MACC1: variants seen among roughly 807,000 people sequenced by gnomAD.
MACC1 encodes MET transcriptional regulator MACC1, also known as metastasis-associated in colon cancer protein 1.
Under a neutral mutation model 70.7 loss-of-function variants are expected in MACC1, and 79 were observed. The ratio of observed to expected loss-of-function variants is 1.12; its 90% CI spans 0.93 to 1.35. MACC1 has a LOEUF of 1.35. MACC1 is among the 40% of genes most tolerant of loss of function. MACC1 has a pLI of 0.00. For synonymous variants in MACC1, 361 were observed against 347.2 expected (o/e 1.04, Z -0.44); for missense variants, 1,106 against 978.1 (o/e 1.13, Z -1.74).
intron 6 of MACC1, among the ~76,000 whole-genome samples, chr7:20,151,446 A>AT (rs1195066069): frequency 2.6e-5 from 4 of 152,158 alleles, no homozygotes; most frequent in East Asian, 1.9e-4. Flanking sequence ...GTGTAAGTGC[A>AT]TTTTTTCTGA....
rs141979547 is a variant in MACC1 at position 20,206,124 on chromosome 7, T to C, written c.-218+11175A>G. ...CACTACCCAGGCCCCTTCTTTCTGA[T>C]ACCATGGTGCCTGCCTTGGGTTAGC... On this transcript the variant is annotated intron_variant, in intron 1 of 6. Coordinates refer to ENST00000400331, the MANE Select transcript of MACC1 (RefSeq NM_182762.4). Among the ~76,000 whole-genome samples, 104 of 151,782 alleles carry C rather than the reference T, an allele frequency of 6.9e-4. 1 individual carries two copies. Among genetic ancestry groups the C allele is most frequent in the African/African-American group, 2.4e-3 (101 of 41,418 alleles).
rs150911553 is a variant in MACC1 at position 20,144,616 on chromosome 7, G to A, written c.2347-3458C>T. 7.1e-3 allele frequency among the ~76,000 whole-genome samples: 1,080 copies of A among 152,236 alleles called. 25 individuals are homozygous for A. Among genetic ancestry groups the A allele is most frequent in the Admixed American group, 0.038 (576 of 15,300 alleles). On this transcript the variant is annotated intron_variant, in intron 6 of 6. Coordinates refer to ENST00000400331, the MANE Select transcript of MACC1 (RefSeq NM_182762.4). Reference sequence around the variant, plus strand: ...CATTTATACTTCTTAATAGGATAGAGAAGAAAGTACTTATTTTTTTGGCAG... The same window carrying A: ...CATTTATACTTCTTAATAGGATAGAAAAGAAAGTACTTATTTTTTTGGCAG...
intron 1 of MACC1, among the ~76,000 whole-genome samples, chr7:20,182,793 C>T (rs775897281): frequency 5.6e-4 from 85 of 152,094 alleles, no homozygotes; most frequent in Non-Finnish European, 6.8e-4. Flanking sequence ...ATATATGGCC[C>T]TTTCACAGAA....
In MACC1 at chr7:20,159,879, T is replaced by G; in HGVS notation, c.482A>C (p.Asp161Ala). 2.5e-6 allele frequency: 4 copies of G among 1,614,144 alleles called. No homozygotes were observed. The highest frequency in any genetic ancestry group is 3.4e-6 in the Non-Finnish European group (4 of 1,180,026). ...AHAHQSIHNSDQILLHDLEWL... is the reference protein window; with the variant it reads ...AHAHQSIHNSAQILLHDLEWL... ...CTCTAAGTCGTGTAGTAGGATCTGGTCAGAGTTATGTATACTCTGATGGGC... is the reference window on the plus strand; with the variant it reads ...CTCTAAGTCGTGTAGTAGGATCTGGGCAGAGTTATGTATACTCTGATGGGC... The change falls in exon 5 of 7, where the codon GAC becomes GCC. Residue 161 changes from aspartate to alanine, a missense_variant. Coordinates refer to ENST00000400331, the MANE Select transcript of MACC1 (RefSeq NM_182762.4).
Position 20,139,961 on chromosome 7 carries a change from G to T in MACC1, c.*985C>A, listed in dbSNP as rs1445464529. The stretch of plus-strand genomic sequence containing the variant: ...AATCAAGTTAATCAAGTTTCTGGTG[G>T]TGGTGGTTTTTAATAACTCGTATTA... On this transcript the variant is annotated 3_prime_UTR_variant, in exon 7 of 7. Coordinates refer to ENST00000400331, the MANE Select transcript of MACC1 (RefSeq NM_182762.4). 1 of 152,012 alleles carries T rather than the reference G, an allele frequency of 6.6e-6. No individual in the cohort carries two copies. Among genetic ancestry groups the T allele is most frequent in the Non-Finnish European group, 1.5e-5 (1 of 68,022 alleles). 9.4% of individuals were successfully genotyped at this position (152,012 alleles called of 1,614,324 possible).
chr7:20,217,167 C>T (rs2128110252), intron 1 of MACC1, 132 bp downstream of exon 1: 1 of 152,258 alleles, frequency 6.6e-6, no homozygotes, highest in South Asian at 2.1e-4. Flanking sequence ...CAGTTACCTT[C>T]CCTTTATTTA....
At chr7:20,203,312 A>G (rs1319260420) in intron 1 of MACC1, among the ~76,000 whole-genome samples, 3 of 152,116 alleles carry the variant, frequency 2.0e-5, no homozygotes, top group African/African-American at 7.2e-5. Context: ...CACCTCTTCC[A>G]TCGCCCAACT....
intron 1 of MACC1, among the ~76,000 whole-genome samples, chr7:20,190,239 T>C (rs1404419287): frequency 6.6e-6 from 1 of 152,226 alleles, no homozygotes; most frequent in Non-Finnish European, 1.5e-5. Context: ...CCAAACCTAT[T>C]ACCTTTGTGA....
At position 20,135,600 on chromosome 7, in the gene MACC1, A is replaced by T. The variant is rs1781708753; in HGVS notation, c.*5346T>A. The T allele has an allele frequency of 6.6e-6, 1 of 152,208 alleles. No individual in the cohort carries two copies. The highest frequency in any genetic ancestry group is 2.4e-5 in the African/African-American group (1 of 41,448). 9.4% of individuals were successfully genotyped at this position (152,208 alleles called of 1,614,324 possible). Reference sequence around the variant, plus strand: ...GATCAGGCCAGACCCTCTGAATGAGAAATTCTGGTGGTCGAGCCCAGCAGT... The same window carrying T: ...GATCAGGCCAGACCCTCTGAATGAGTAATTCTGGTGGTCGAGCCCAGCAGT... On this transcript the variant is annotated 3_prime_UTR_variant, in exon 7 of 7. Coordinates refer to ENST00000400331, the MANE Select transcript of MACC1 (RefSeq NM_182762.4).
In MACC1 at chr7:20,138,369, C is replaced by T. The variant is rs1781748461; in HGVS notation, c.*2577G>A. The T allele has an allele frequency of 6.6e-6, 1 of 151,960 alleles. No homozygotes were observed. The allele number at this position is 151,960 out of a possible 1,614,324, so 9.4% of individuals were successfully genotyped here. A position where few individuals can be genotyped will look rare whatever the true frequency, so the allele number is the denominator to read the frequency against. The stretch of plus-strand genomic sequence containing the variant: ...AAATTATTTATTTAATCTTACTACA[C>T]TAATCAGCTAACAAGATCTCTGTCT... On this transcript the variant is annotated 3_prime_UTR_variant, in exon 7 of 7. Coordinates refer to ENST00000400331, the MANE Select transcript of MACC1 (RefSeq NM_182762.4).
Position 20,156,514 on chromosome 7 carries a change from C to T in MACC1, c.2157+1690G>A, listed in dbSNP as rs185163757. Reference sequence around the variant, plus strand: ...AAGAAATTAATTTTCCAATTCAAACCTTTGCAGGTGAATGTTAAATATGAG... The same window carrying T: ...AAGAAATTAATTTTCCAATTCAAACTTTTGCAGGTGAATGTTAAATATGAG... On this transcript the variant is annotated intron_variant, in intron 5 of 6. Transcript: ENST00000400331. Among the ~76,000 whole-genome samples, 19 of 152,310 alleles carry T rather than the reference C, an allele frequency of 1.2e-4. No homozygotes were observed. In the East Asian group the frequency reaches 3.7e-3, roughly 29 times the overall value.
At position 20,177,992 on chromosome 7, in the gene MACC1, C is replaced by G. The variant is rs1782423028; in HGVS notation, c.-217-7214G>C. 2.0e-5 allele frequency among the ~76,000 whole-genome samples: 3 copies of G among 151,836 alleles called. No homozygotes were observed. The South Asian group carries it at 6.2e-4, about 32-fold the overall frequency. On this transcript the variant is annotated intron_variant, in intron 1 of 6. Coordinates refer to ENST00000400331, the MANE Select transcript of MACC1 (RefSeq NM_182762.4). ...TCTCCATTACCTTATTTTGTGTTTA[C>G]TTTTTTACTTTTATTTATTTCCTCC...
chr7:20,204,390 A>G (rs1028749493), intron 1 of MACC1, among the ~76,000 whole-genome samples: 1 of 152,128 alleles, frequency 6.6e-6, no homozygotes, highest in African/African-American at 2.4e-5. Context: ...TCCTGACCTC[A>G]TGATCCACCC....
chr7:20,199,630 A>T (rs1013907387), intron 1 of MACC1, among the ~76,000 whole-genome samples: 1 of 152,356 alleles, frequency 6.6e-6, no homozygotes, highest in Middle Eastern at 3.4e-3. Context: ...GAAGTCTTCA[A>T]ATGAAACAGG....
chr7:20,198,074 C>CCTCCAA (rs112824844), intron 1 of MACC1, among the ~76,000 whole-genome samples: 1 of 151,556 alleles, frequency 6.6e-6, no homozygotes, highest in Non-Finnish European at 1.5e-5. Context: ...ACCACAGTGG[C>CCTCCAA]TAATCCAGGT....
chr7:20,182,203 AG>A (rs1353859858), intron 1 of MACC1, among the ~76,000 whole-genome samples: 3 of 79,104 alleles, frequency 3.8e-5, no homozygotes, highest in Admixed American at 1.5e-4. Context: ...GGGTGGGGGG[AG>A]GGTGGAGGGA....
intron 1 of MACC1, among the ~76,000 whole-genome samples, chr7:20,193,511 T>C (rs1782702541): frequency 6.6e-6 from 1 of 152,212 alleles, no homozygotes; most frequent in Admixed American, 6.5e-5. Context: ...AGTGTTTGTT[T>C]TTCAATTCTC....
chr7:20,197,971 A>G (rs930138462), intron 1 of MACC1, among the ~76,000 whole-genome samples: 1 of 152,224 alleles, frequency 6.6e-6, no homozygotes, highest in Non-Finnish European at 1.5e-5. Context: ...CCATTTCAAC[A>G]TGAACAATTT....
At chr7:20,179,943 T>C (rs755559227) in intron 1 of MACC1, among the ~76,000 whole-genome samples, 3 of 152,236 alleles carry the variant, frequency 2.0e-5, no homozygotes, top group South Asian at 4.1e-4. Context: ...AATTGTCAAC[T>C]GTGCTTTGGG....
Sources: gnomAD v4.1 joint callset for allele counts (sites outside exome capture counted in the v4.1 genomes callset) on GRCh38, gnomAD v4.1.1 for gene constraint, MANE v1.5 for transcripts, NCBI Gene and HGNC (gene_info 2026-07-23, HGNC 2026-07-21) for gene names.